Variants in MTUS1 observed in about 807,000 individuals in gnomAD.
The protein encoded by MTUS1 is microtubule associated scaffold protein 1.
A neutral mutation model predicts 120.8 loss-of-function variants in MTUS1; 109 were observed. The observed-to-expected ratio is 0.90, with a 90% confidence interval of 0.77 to 1.06. The LOEUF (loss-of-function observed/expected upper bound fraction) is 1.06, where lower values mean the gene tolerates loss of function less well. Among genes scored for constraint, MTUS1 ranks in the 50% least tolerant of loss-of-function variants. The probability of loss-of-function intolerance (pLI) is 0.00; values close to 1 mark genes in which losing one functional copy is unlikely to be tolerated. For missense variants in MTUS1, 2,210 were observed against 1,486.3 expected (o/e 1.49, Z -8.01); for synonymous variants, 737 against 550.5 (o/e 1.34, Z -4.74).
At chr8:17,783,547 C>G (rs2051061355) in intron 1 of MTUS1, among the ~76,000 whole-genome samples, 1 of 152,000 alleles carries the variant, frequency 6.6e-6, no homozygotes. Context: ...AAAAGATATG[C>G]AATGCGCATG....
intron 1 of MTUS1, among the ~76,000 whole-genome samples, chr8:17,792,674 G>A (rs1263401010): frequency 1.3e-5 from 2 of 152,210 alleles, no homozygotes; most frequent in African/African-American, 2.4e-5. Flanking sequence ...CACCAGCCTG[G>A]CCAACATGGG....
chr8:17,755,252 T>C lies in MTUS1; in HGVS notation c.556A>G (p.Thr186Ala). The change falls in exon 2 of 15, where the codon ACT becomes GCT. Residue 186 changes from threonine (T) to alanine (A), a missense_variant. Thr to Ala is a moderately conservative substitution (Grantham distance 58). Coordinates refer to ENST00000693296, the MANE Select transcript of MTUS1 (RefSeq NM_001363059.2). Reference sequence around the variant, plus strand: ...CCAGTTGGTGGCAGGCTTCCAGCAGTATGGAAGGACTGACTCTTTCCGATG... The same window carrying C: ...CCAGTTGGTGGCAGGCTTCCAGCAGCATGGAAGGACTGACTCTTTCCGATG... The part of the protein sequence containing the change: ...HAIGKSQSFH[T>A]AGSLPPTGRR... 1.2e-6 allele frequency: 2 copies of C among 1,614,078 alleles called. No homozygotes were observed. Among genetic ancestry groups the C allele is most frequent in the Non-Finnish European group, 1.7e-6 (2 of 1,179,912 alleles).
Position 17,755,939 on chromosome 8 carries a change from A to C in MTUS1, c.-132T>G. 6 of 1,435,970 alleles carry C rather than the reference A, an allele frequency of 4.2e-6. No individual in the cohort carries two copies. Among genetic ancestry groups the C allele is most frequent in the Non-Finnish European group, 4.5e-6 (5 of 1,100,722 alleles). 89.0% of individuals were successfully genotyped at this position (1,435,970 alleles called of 1,614,324 possible). A position where few individuals can be genotyped will look rare whatever the true frequency, so the allele number is the denominator to read the frequency against. On this transcript the variant is annotated 5_prime_UTR_variant, in exon 2 of 15. Transcript: ENST00000693296. ...AAGGTTTTCAGTCTAAGATGCTCTGAAGATTAAATGATTTGTTGTTCCCTG... is the reference window on the plus strand; with the variant it reads ...AAGGTTTTCAGTCTAAGATGCTCTGCAGATTAAATGATTTGTTGTTCCCTG...
intron 2 of MTUS1, among the ~76,000 whole-genome samples, chr8:17,744,907 G>T (rs115580722): frequency 5.4e-4 from 82 of 152,106 alleles, no homozygotes; most frequent in Middle Eastern, 3.4e-3. Flanking sequence ...CCTACTTCAA[G>T]ATGTCTCATC....
At chr8:17,694,071 C>G (rs1817485758) in intron 6 of MTUS1, among the ~76,000 whole-genome samples, 1 of 152,172 alleles carries the variant, frequency 6.6e-6, no homozygotes, top group African/African-American at 2.4e-5. Flanking sequence ...TATTTGGCCA[C>G]TTTTTACCTA....
At chr8:17,697,310 C>T (rs762986674) in intron 6 of MTUS1, 15 of 1,613,948 alleles carry the variant, frequency 9.3e-6, no homozygotes, top group Admixed American at 3.3e-5. Context: ...TCGAAGGTTT[C>T]GAAGCAATCC....
chr8:17,753,587 T>A, intron 2 of MTUS1, 130 bp downstream of exon 2: 1 of 629,930 alleles, frequency 1.6e-6, no homozygotes, highest in East Asian at 2.8e-5. Flanking sequence ...GACAATGAAT[T>A]AACAACTAAA....
chr8:17,657,342 G>A (rs1291511381), intron 8 of MTUS1, among the ~76,000 whole-genome samples: 1 of 151,622 alleles, frequency 6.6e-6, no homozygotes, highest in Admixed American at 6.6e-5. Flanking sequence ...GCCGAGGCGG[G>A]CGGATCACGA....
chr8:17,689,678 TA>T (rs1816567200), intron 6 of MTUS1, among the ~76,000 whole-genome samples: 1 of 152,074 alleles, frequency 6.6e-6, no homozygotes, highest in African/African-American at 2.4e-5. Context: ...GGCACTGGTC[TA>T]AAAATAGACA....
At chr8:17,789,308 G>A (rs779233397) in intron 1 of MTUS1, among the ~76,000 whole-genome samples, 12 of 152,126 alleles carry the variant, frequency 7.9e-5, no homozygotes, top group South Asian at 4.1e-4. Flanking sequence ...TGGGATTACA[G>A]GTGTCAGCCA....
At chr8:17,676,308 G>C (rs1813098130) in intron 7 of MTUS1, 1 of 702,948 alleles carries the variant, frequency 1.4e-6, no homozygotes, top group Non-Finnish European at 2.6e-6. Flanking sequence ...TAGAGGCACA[G>C]TTTGCTGCTG....
At chr8:17,646,487 C>A (rs1805819159) in intron 14 of MTUS1, among the ~76,000 whole-genome samples, 1 of 152,236 alleles carries the variant, frequency 6.6e-6, no homozygotes, top group African/African-American at 2.4e-5. Flanking sequence ...ACTCAGGAGG[C>A]TGAGGTGGGA....
At chr8:17,660,852 C>T (rs1158107238) in intron 8 of MTUS1, among the ~76,000 whole-genome samples, 3 of 152,138 alleles carry the variant, frequency 2.0e-5, no homozygotes, top group Non-Finnish European at 1.5e-5. Context: ...CAATGATGGG[C>T]GACAGAACGG....
chr8:17,750,391 T>A (rs2048098065), intron 2 of MTUS1, among the ~76,000 whole-genome samples: 1 of 152,186 alleles, frequency 6.6e-6, no homozygotes, highest in South Asian at 2.1e-4. Context: ...AAAGTTAACC[T>A]CCCAGAGAAA....
intron 1 of MTUS1, among the ~76,000 whole-genome samples, chr8:17,761,663 C>T (rs535257814): frequency 9.2e-5 from 14 of 152,242 alleles, no homozygotes; most frequent in Non-Finnish European, 1.8e-4. Flanking sequence ...ACTATAAAAT[C>T]AAGAATGTTT....
chr8:17,761,990 G>A (rs1333492585), intron 1 of MTUS1, among the ~76,000 whole-genome samples: 1 of 152,128 alleles, frequency 6.6e-6, no homozygotes, highest in Non-Finnish European at 1.5e-5. Flanking sequence ...TAAAAACGAA[G>A]CAGTTGAGGC....
chr8:17,769,769 G>A (rs1411516255), intron 1 of MTUS1, among the ~76,000 whole-genome samples: 1 of 151,962 alleles, frequency 6.6e-6, no homozygotes, highest in East Asian at 1.9e-4. Context: ...CTCATCTCTT[G>A]CTGTGAAGAC....
At chr8:17,756,645 C>G (rs1218168220) in intron 1 of MTUS1, among the ~76,000 whole-genome samples, 1 of 144,126 alleles carries the variant, frequency 6.9e-6, no homozygotes, top group Admixed American at 7.1e-5. Context: ...TTCCCCACCC[C>G]TCTCCAATTC....
chr8:17,744,778 T>TG (rs1262654512), intron 2 of MTUS1, among the ~76,000 whole-genome samples: 1 of 151,238 alleles, frequency 6.6e-6, no homozygotes, highest in Non-Finnish European at 1.5e-5. Context: ...ACTCCACACT[T>TG]CGTGATCTGC....
Sources: allele counts gnomAD v4.1 joint callset (sites outside exome capture counted in the v4.1 genomes callset), GRCh38; gene constraint gnomAD v4.1.1; transcripts MANE v1.5; gene names NCBI Gene and HGNC (gene_info 2026-07-23, HGNC 2026-07-21).